The following AKAP7 variants were observed in gnomAD, a reference collection of about 807,000 sequenced individuals.
AKAP7 encodes A-kinase anchoring protein 7.
AKAP7 carries 39 observed loss-of-function variants against 39.5 expected under a neutral mutation model. That is an observed-to-expected ratio of 0.99 (90% CI 0.76 to 1.29). The LOEUF (loss-of-function observed/expected upper bound fraction) is 1.29. Ranked by LOEUF, AKAP7 falls within the 50% of genes most tolerant of loss-of-function variation. The pLI, the probability that AKAP7 is intolerant of heterozygous loss-of-function variation, is 0.00. For missense variants in AKAP7, 414 were observed against 407.7 expected, an observed-to-expected ratio of 1.02 and a Z score of -0.13; for synonymous variants, 140 against 139.1, an observed-to-expected ratio of 1.01 and a Z score of -0.05.
chr6:131,237,515 G>A (rs1454458944), intron 7 of AKAP7, among the ~76,000 whole-genome samples: 1 of 151,992 alleles, frequency 6.6e-6, no homozygotes, highest in Admixed American at 6.6e-5. Flanking sequence ...GGTAGAATTC[G>A]GCTGTGAATC....
At chr6:131,191,817 G>T (rs1277578366) in intron 5 of AKAP7, among the ~76,000 whole-genome samples, 1 of 151,294 alleles carries the variant, frequency 6.6e-6, no homozygotes, top group African/African-American at 2.4e-5. Context: ...TGGCCTTTCA[G>T]CCTGCCTGGT....
At chr6:131,130,005 G>A in the AKAP7 span, among the ~76,000 whole-genome samples, 4 of 152,200 alleles carry the variant, frequency 2.6e-5, no homozygotes, top group Admixed American at 6.5e-5. Flanking sequence ...GACCTGAAGA[G>A]AGAACTCACC....
chr6:131,150,648 C>T (rs1801839671), intron 2 of AKAP7, among the ~76,000 whole-genome samples: 1 of 151,800 alleles, frequency 6.6e-6, no homozygotes, highest in Non-Finnish European at 1.5e-5. Flanking sequence ...TGGAACAAGC[C>T]CAATCACTAA....
intron 7 of AKAP7, among the ~76,000 whole-genome samples, chr6:131,244,912 A>G (rs1285776893): frequency 1.3e-5 from 2 of 152,198 alleles, no homozygotes; most frequent in Admixed American, 6.5e-5. Context: ...ACAAATACCT[A>G]TAACTTTTAG....
chr6:131,223,511 C>T (rs913234976), intron 7 of AKAP7, among the ~76,000 whole-genome samples: 1 of 152,122 alleles, frequency 6.6e-6, no homozygotes, highest in Admixed American at 6.5e-5. Context: ...TCTGAAACAT[C>T]TCAAGTCTAT....
chr6:131,136,944 T>TTATG (rs879324235), intron 1 of AKAP7: 2 of 778,522 alleles, frequency 2.6e-6, no homozygotes, highest in Non-Finnish European at 3.1e-6. Context: ...ATGTATGTAC[T>TTATG]TATGTATGTA....
intron 7 of AKAP7, among the ~76,000 whole-genome samples, chr6:131,260,305 TTTGGGCATATACCCAGTAATG>T (rs1441267392): frequency 6.6e-6 from 1 of 152,196 alleles, no homozygotes; most frequent in Non-Finnish European, 1.5e-5. Flanking sequence ...TTTATATTTT[TTTGGGCATATACCCAGTAATG>T]GGATTGCTGG....
chr6:131,282,366 A>G lies in AKAP7; in HGVS notation c.*640A>G. On this transcript the variant is annotated 3_prime_UTR_variant, in exon 8 of 8. Coordinates refer to ENST00000431975, the MANE Select transcript of AKAP7 (RefSeq NM_016377.4). ...TTGATAAGTCAGTATGCCATATTTAATGAAATGTTATTATATAATTTTTTT... is the reference window on the plus strand; with the variant it reads ...TTGATAAGTCAGTATGCCATATTTAGTGAAATGTTATTATATAATTTTTTT... 1 of 1,425,220 alleles carries G rather than the reference A, an allele frequency of 7.0e-7. No individual in the cohort carries two copies. The highest frequency in any genetic ancestry group is 9.2e-7 in the Non-Finnish European group (1 of 1,089,558). The allele number at this position is 1,425,220 out of a possible 1,614,324, so 88.3% of individuals were successfully genotyped here.
At chr6:131,147,985 A>G (rs1227003564) in intron 2 of AKAP7, among the ~76,000 whole-genome samples, 1 of 152,160 alleles carries the variant, frequency 6.6e-6, no homozygotes, top group Non-Finnish European at 1.5e-5. Flanking sequence ...TTATATCTCT[A>G]CTGTTAGGGA....
chr6:131,279,234 C>T (rs1815001463), intron 7 of AKAP7, among the ~76,000 whole-genome samples: 1 of 152,054 alleles, frequency 6.6e-6, no homozygotes, highest in Non-Finnish European at 1.5e-5. Flanking sequence ...ATAGTAACAG[C>T]ATAAACAAAA....
chr6:131,169,854 T>C (rs1803861907), intron 5 of AKAP7, among the ~76,000 whole-genome samples: 2 of 152,190 alleles, frequency 1.3e-5, no homozygotes, highest in African/African-American at 2.4e-5. Context: ...TTTCATGTCA[T>C]CTCATTGCAG....
At chr6:131,250,165 T>C in intron 7 of AKAP7, 2 of 991,382 alleles carry the variant, frequency 2.0e-6, no homozygotes, top group Non-Finnish European at 2.4e-6. Context: ...GTGTAATTAC[T>C]GCAGTTGTCT....
At chr6:131,257,785 G>A (rs1234069324) in intron 7 of AKAP7, among the ~76,000 whole-genome samples, 3 of 152,096 alleles carry the variant, frequency 2.0e-5, no homozygotes, top group African/African-American at 4.8e-5. Flanking sequence ...GAAGGAGAGA[G>A]TCCTGATGAG....
At chr6:131,158,289 A>G (rs1802603316) in intron 2 of AKAP7, among the ~76,000 whole-genome samples, 1 of 152,192 alleles carries the variant, frequency 6.6e-6, no homozygotes, top group Admixed American at 6.5e-5. Context: ...GCACACAGGC[A>G]TTGGGCTGTG....
At chr6:131,234,670 T>C (rs1490307022) in intron 7 of AKAP7, among the ~76,000 whole-genome samples, 2 of 151,938 alleles carry the variant, frequency 1.3e-5, no homozygotes, top group Non-Finnish European at 2.9e-5. Context: ...TTTCTATATG[T>C]TAACCATTTT....
intron 5 of AKAP7, among the ~76,000 whole-genome samples, chr6:131,175,451 T>C (rs1804486249): frequency 1.3e-5 from 2 of 152,168 alleles, no homozygotes; most frequent in African/African-American, 4.8e-5. Flanking sequence ...ACATAGTTCT[T>C]AGGAAAAAAG....
intron 7 of AKAP7, among the ~76,000 whole-genome samples, chr6:131,262,954 C>A (rs1048363186): frequency 6.6e-6 from 1 of 152,124 alleles, no homozygotes; most frequent in African/African-American, 2.4e-5. Context: ...GCTGTGTTCT[C>A]ACGGCTTCAG....
chr6:131,213,481 C>T (rs760112957), intron 6 of AKAP7, among the ~76,000 whole-genome samples: 2 of 152,162 alleles, frequency 1.3e-5, no homozygotes, highest in Non-Finnish European at 2.9e-5. Context: ...AAGTTCAGAA[C>T]ATGTACCAAA....
intron 2 of AKAP7, among the ~76,000 whole-genome samples, chr6:131,158,099 A>G (rs1267373403): frequency 2.0e-5 from 3 of 152,232 alleles, no homozygotes; most frequent in Admixed American, 6.5e-5. Flanking sequence ...AAAATTGTTT[A>G]CTATTAATAT....
Sources: allele counts gnomAD v4.1 joint callset (sites outside exome capture counted in the v4.1 genomes callset), GRCh38; gene constraint gnomAD v4.1.1; transcripts MANE v1.5; gene names NCBI Gene and HGNC (gene_info 2026-07-23, HGNC 2026-07-21).